Variants in ABCG8 observed in about 807,000 individuals in gnomAD.
ABCG8 encodes the protein ATP binding cassette subfamily G member 8.
A neutral mutation model predicts 71.3 loss-of-function variants in ABCG8; 81 were observed. The observed-to-expected ratio is 1.14, with a 90% CI of 0.95 to 1.37. The LOEUF (loss-of-function observed/expected upper bound fraction) is 1.37. Among genes scored for constraint, ABCG8 ranks in the 40% most tolerant of loss-of-function variants. ABCG8 has a pLI of 0.00. For missense variants in ABCG8, 1,119 were observed against 866.2 expected (o/e 1.29, Z -3.66); for synonymous variants, 451 against 354.7 (o/e 1.27, Z -3.05).
chr2:43,873,507 A>G (rs2104946810), intron 8 of ABCG8, among the ~76,000 whole-genome samples: 1 of 152,172 alleles, frequency 6.6e-6, no homozygotes, highest in East Asian at 1.9e-4. Flanking sequence ...GTACATCTTT[A>G]TGGAAGTAAT....
intron 5 of ABCG8, 32 bp from the exon 6 acceptor site, chr2:43,852,567 C>G: frequency 6.2e-6 from 10 of 1,614,006 alleles, no homozygotes; most frequent in South Asian, 1.1e-5. Context: ...AGAGCCCCAC[C>G]GACTCACCAG....
At chr2:43,860,902 C>A (rs58762754) in intron 6 of ABCG8, among the ~76,000 whole-genome samples, 9 of 148,184 alleles carry the variant, frequency 6.1e-5, no homozygotes, top group African/African-American at 2.2e-4. Flanking sequence ...CTCTCACTGT[C>A]TATCTGGATA....
At chr2:43,843,754 A>T (rs17031710) in intron 1 of ABCG8, among the ~76,000 whole-genome samples, 2,997 of 152,268 alleles carry the variant, frequency 0.02, 111 homozygotes, top group African/African-American at 0.067. Context: ...AGATCTGCAG[A>T]TGGTTAATAC....
intron 6 of ABCG8, among the ~76,000 whole-genome samples, chr2:43,870,009 C>T (rs1195189663): frequency 6.6e-6 from 1 of 152,074 alleles, no homozygotes; most frequent in African/African-American, 2.4e-5. Flanking sequence ...ATAGAATTCT[C>T]ACCCTCTGGA....
intron 6 of ABCG8, among the ~76,000 whole-genome samples, chr2:43,868,096 T>A (rs981282006): frequency 6.6e-6 from 1 of 151,484 alleles, no homozygotes; most frequent in African/African-American, 2.4e-5. Context: ...TCTGGATAGA[T>A]CTCTCACTGT....
rs762135880 is a variant in ABCG8, at chr2:43,872,119, G to A, written c.1108G>A (p.Glu370Lys). 3.7e-6 allele frequency: 6 copies of A among 1,613,986 alleles called. No individual in the cohort carries two copies. The highest frequency in any genetic ancestry group is 2.2e-5 in the East Asian group (1 of 44,902). ...LWKAETKDLD[E>K]DTCVESSVTP... ...GAAAGCAGAGACGAAGGATCTTGAC[G>A]AGGACACCTGTGTGGAAAGGTAAGG... The change falls in exon 7 of 13, where the codon GAG (glutamate) becomes AAG (lysine). Residue 370 changes from glutamate to lysine, a missense_variant. Physicochemically the swap from Glu to Lys is moderately conservative, Grantham distance 56. Coordinates refer to ENST00000272286, the MANE Select transcript of ABCG8 (RefSeq NM_022437.3).
chr2:43,862,406 A>C (rs529964706), intron 6 of ABCG8, among the ~76,000 whole-genome samples: 1 of 137,496 alleles, frequency 7.3e-6, no homozygotes, highest in African/African-American at 2.8e-5. Flanking sequence ...CTCACTATCT[A>C]TATGGAGAGA....
chr2:43,867,097 C>CA (rs1008694146), intron 6 of ABCG8, among the ~76,000 whole-genome samples: 14 of 150,206 alleles, frequency 9.3e-5, no homozygotes, highest in Non-Finnish European at 1.6e-4. Context: ...ATCGCAAGAA[C>CA]AAAAAACCAA....
intron 6 of ABCG8, among the ~76,000 whole-genome samples, chr2:43,855,196 G>A (rs887058215): frequency 3.3e-5 from 5 of 151,972 alleles, no homozygotes; most frequent in African/African-American, 1.2e-4. Context: ...GTCGCCCTCT[G>A]AATAGAACTC....
chr2:43,843,443 C>T (rs1013251011), intron 1 of ABCG8, among the ~76,000 whole-genome samples: 6 of 152,266 alleles, frequency 3.9e-5, no homozygotes, highest in Middle Eastern at 3.4e-3. Context: ...AATCACAGCA[C>T]TTTGGGATGC....
At chr2:43,853,701 G>A (rs1042279498) in intron 6 of ABCG8, among the ~76,000 whole-genome samples, 10 of 152,168 alleles carry the variant, frequency 6.6e-5, no homozygotes, top group East Asian at 1.9e-4. Context: ...CTCAAGCCCC[G>A]GCCAGGCCAA....
chr2:43,876,779 T>C (rs962724773), intron 11 of ABCG8, among the ~76,000 whole-genome samples: 1 of 145,742 alleles, frequency 6.9e-6, no homozygotes, highest in African/African-American at 2.6e-5. Flanking sequence ...ACTGTGGGAA[T>C]AGGGGGAGAC....
intron 8 of ABCG8, among the ~76,000 whole-genome samples, chr2:43,872,544 A>T (rs1178089297): frequency 6.6e-6 from 1 of 152,150 alleles, no homozygotes; most frequent in African/African-American, 2.4e-5. Context: ...CAACAAGGTG[A>T]AAGCCCATCT....
chr2:43,844,589 T>G lies in ABCG8; in HGVS notation c.146T>G (p.Val49Gly), dbSNP rs1572823251. Residue 49 changes from valine (V) to glycine (G), a missense_variant, in exon 2 of 13, where the codon GTC (valine) becomes GGC (glycine). Val to Gly is a moderately radical substitution (Grantham distance 109). Transcript: ENST00000272286. ...AGTGGCCAGCCCAACACCCTGGAGG[T>G]CAGAGACCTCAACTACCAGGTAGAG... Reference protein sequence around the residue: ...TYSGQPNTLEVRDLNYQVDLA... With the variant: ...TYSGQPNTLEGRDLNYQVDLA... 6.2e-7 allele frequency: 1 copy of G among 1,613,792 alleles called. No homozygotes were observed. The highest frequency in any genetic ancestry group is 2.2e-5 in the East Asian group (1 of 44,864).
At chr2:43,854,265 A>C (rs1028990909) in intron 6 of ABCG8, among the ~76,000 whole-genome samples, 1 of 152,182 alleles carries the variant, frequency 6.6e-6, no homozygotes, top group Non-Finnish European at 1.5e-5. Flanking sequence ...AGTGCTGCAC[A>C]CTAGGGGGCC....
In ABCG8 at chr2:43,852,164, C is replaced by T. The variant is rs553645975; in HGVS notation, c.562-190C>T. On this transcript the variant is annotated intron_variant, in intron 4 of 12. Coordinates refer to ENST00000272286, the MANE Select transcript of ABCG8 (RefSeq NM_022437.3). ...ACACAGGGCACCATGCCCAGCACGTCGAGGCCCCTCGGGACCTGTGGAAAG... is the reference window on the plus strand; with the variant it reads ...ACACAGGGCACCATGCCCAGCACGTTGAGGCCCCTCGGGACCTGTGGAAAG... 9.0e-4 allele frequency among the ~76,000 whole-genome samples: 137 copies of T among 152,306 alleles called. 2 individuals carry two copies. The South Asian group carries it at 0.022, about 25-fold the overall frequency.
chr2:43,873,416 G>T (rs188238602), intron 8 of ABCG8, among the ~76,000 whole-genome samples: 27 of 151,900 alleles, frequency 1.8e-4, no homozygotes, highest in Non-Finnish European at 2.9e-4. Flanking sequence ...GGTCTCGATC[G>T]CCTGGCCTCA....
At chr2:43,871,841 G>A (rs1669785476) in intron 6 of ABCG8, 135 bp from the exon 7 acceptor site, 1 of 1,308,954 alleles carries the variant, frequency 7.6e-7, no homozygotes, top group Non-Finnish European at 1.1e-6. Context: ...TTGCTTCATG[G>A]CTGAGGGTGG....
At chr2:43,867,892 T>C (rs561090064) in intron 6 of ABCG8, among the ~76,000 whole-genome samples, 1 of 152,096 alleles carries the variant, frequency 6.6e-6, no homozygotes, top group South Asian at 2.1e-4. Flanking sequence ...TCTCACTATC[T>C]CTCTGGATAG....
Sources: allele counts gnomAD v4.1 joint callset (sites outside exome capture counted in the v4.1 genomes callset), GRCh38; gene constraint gnomAD v4.1.1; transcripts MANE v1.5; gene names NCBI Gene and HGNC (gene_info 2026-07-23, HGNC 2026-07-21).